DSE: variants seen among roughly 807,000 people sequenced by gnomAD.
DSE encodes dermatan sulfate epimerase.
A neutral mutation model predicts 84.4 loss-of-function variants in DSE; 36 were observed. The ratio of observed to expected loss-of-function variants is 0.43; its 90% CI spans 0.33 to 0.56. DSE has a LOEUF of 0.56. Ranked by LOEUF, DSE falls within the 20% of genes least tolerant of loss-of-function variation. DSE has a pLI of 0.06. For synonymous variants in DSE, 410 were observed against 430.1 expected (o/e 0.95, Z 0.58); for missense variants, 862 against 1,169.6 (o/e 0.74, Z 3.84).
intron 2 of DSE, among the ~76,000 whole-genome samples, chr6:116,326,483 A>T (rs971761329): frequency 6.6e-6 from 1 of 152,170 alleles, no homozygotes; most frequent in Non-Finnish European, 1.5e-5. Context: ...GATTTAAATG[A>T]TGCCAACATA....
At chr6:116,375,486 A>G in intron 1 of DSE, 1 of 977,428 alleles carries the variant, frequency 1.0e-6, no homozygotes, top group Non-Finnish European at 1.2e-6. Context: ...CCTGGGCGAC[A>G]GAGCAAGATC....
chr6:116,295,210 G>A (rs1396114348), intron 2 of DSE, among the ~76,000 whole-genome samples: 1 of 152,122 alleles, frequency 6.6e-6, no homozygotes, highest in Non-Finnish European at 1.5e-5. Context: ...AGGTGGGAGA[G>A]GAGAAGATGG....
rs199837822 is a variant in DSE at position 116,433,412 on chromosome 6, T to C, written c.980T>C (p.Val327Ala). The change falls in exon 5 of 6, where the codon GTG becomes GCG. Residue 327 changes from valine (V) to alanine (A), a missense_variant. By Grantham distance (64) the Val-to-Ala change is moderately conservative (BLOSUM62 0). This residue lies in a region of DSE where 309 missense variants were observed against 516.9 expected (regional missense o/e 0.60). Transcript: ENST00000644252. ...TTTTATGGTCCAGAAAGCCAATTAG[T>C]GTTCCTTGATAAATTTGTCATGCGT... is the stretch of plus-strand genomic sequence containing the variant. ...NWFYGPESQLVFLDKFVMRNG... is the reference protein window; with the variant it reads ...NWFYGPESQLAFLDKFVMRNG... 4.2e-5 allele frequency: 65 copies of C among 1,551,768 alleles called. No homozygotes were observed. The African/African-American group carries it at 8.3e-4, about 20-fold the overall frequency.
At chr6:116,374,949 A>G (rs1375545323) in intron 1 of DSE, among the ~76,000 whole-genome samples, 2 of 152,186 alleles carry the variant, frequency 1.3e-5, no homozygotes, top group African/African-American at 4.8e-5. Context: ...AAACCATAGC[A>G]AATATGTTAA....
intron 1 of DSE, among the ~76,000 whole-genome samples, chr6:116,372,448 A>T (rs1334196091): frequency 1.3e-5 from 2 of 152,244 alleles, no homozygotes; most frequent in Admixed American, 1.3e-4. Context: ...AGCCTGGGCG[A>T]CAGGCTCAAA....
intron 2 of DSE, among the ~76,000 whole-genome samples, chr6:116,274,081 C>T (rs1172482064): frequency 7.9e-5 from 12 of 151,666 alleles, no homozygotes; most frequent in Admixed American, 7.2e-4. Flanking sequence ...CCAGCCGCCT[C>T]GGCCTCCCAA....
At chr6:116,407,232 C>G (rs1316214771) in intron 2 of DSE, among the ~76,000 whole-genome samples, 1 of 152,114 alleles carries the variant, frequency 6.6e-6, no homozygotes, top group East Asian at 1.9e-4. Flanking sequence ...TGTACTAAAA[C>G]TTAAATTGTA....
At chr6:116,304,213 C>CA (rs987745918) in intron 2 of DSE, among the ~76,000 whole-genome samples, 3 of 152,034 alleles carry the variant, frequency 2.0e-5, no homozygotes, top group Non-Finnish European at 4.4e-5. Context: ...TACGAAGTGT[C>CA]AAAGACTGGG....
intron 2 of DSE, among the ~76,000 whole-genome samples, chr6:116,267,294 A>G (rs1266581217): frequency 2.0e-5 from 3 of 152,176 alleles, no homozygotes; most frequent in African/African-American, 7.2e-5. Flanking sequence ...GAAGATGACA[A>G]CTCAGTATGT....
chr6:116,285,238 T>G (rs1383883600), intron 2 of DSE, among the ~76,000 whole-genome samples: 1 of 152,202 alleles, frequency 6.6e-6, no homozygotes. Flanking sequence ...GGTATCTCAT[T>G]GTGGTTTTGA....
intron 2 of DSE, among the ~76,000 whole-genome samples, chr6:116,361,633 G>A (rs1243073745): frequency 5.3e-5 from 8 of 152,192 alleles, no homozygotes. Flanking sequence ...TCCAGCCTGG[G>A]CAACAGAGCA....
intron 2 of DSE, among the ~76,000 whole-genome samples, chr6:116,404,725 T>G (rs1452711113): frequency 6.6e-6 from 1 of 152,272 alleles, no homozygotes; most frequent in East Asian, 1.9e-4. Context: ...ATATATAACT[T>G]TATTCTCGCT....
At chr6:116,327,068 C>G (rs1776666357) in intron 2 of DSE, among the ~76,000 whole-genome samples, 1 of 152,180 alleles carries the variant, frequency 6.6e-6, no homozygotes, top group Non-Finnish European at 1.5e-5. Context: ...AAATGGATGG[C>G]TTTCTCCTAG....
chr6:116,273,248 T>C (rs1405359383), intron 2 of DSE, among the ~76,000 whole-genome samples: 1 of 152,204 alleles, frequency 6.6e-6, no homozygotes, highest in Non-Finnish European at 1.5e-5. Context: ...CCCTTTCCTT[T>C]TTAATTGAAC....
In DSE at chr6:116,371,071, C is replaced by G; in HGVS notation, c.-104C>G. On this transcript the variant is annotated 5_prime_UTR_variant, in exon 1 of 6. Coordinates refer to ENST00000644252, the MANE Select transcript of DSE (RefSeq NM_013352.4). ...GAGTGAGGAGGACCGGGAGCTGGCT[C>G]TGGAGGCTGCGGAGGCGACGCCGGA... is the stretch of plus-strand genomic sequence containing the variant. 1.0e-6 allele frequency: 1 copy of G among 986,134 alleles called. No individual in the cohort carries two copies. The highest frequency in any genetic ancestry group is 1.2e-6 in the Non-Finnish European group (1 of 830,528). 61.1% of individuals were successfully genotyped at this position (986,134 alleles called of 1,614,324 possible). A position where few individuals can be genotyped will look rare whatever the true frequency, so the allele number is the denominator to read the frequency against.
At chr6:116,419,901 C>T (rs929617194) in intron 2 of DSE, among the ~76,000 whole-genome samples, 3 of 152,232 alleles carry the variant, frequency 2.0e-5, no homozygotes, top group East Asian at 3.9e-4. Context: ...TTGGAGTTAT[C>T]CTCCTTTGTT....
chr6:116,261,073 A>G (rs1170205984), intron 2 of DSE, among the ~76,000 whole-genome samples: 1 of 152,218 alleles, frequency 6.6e-6, no homozygotes, highest in East Asian at 1.9e-4. Flanking sequence ...TGCTTTGGGC[A>G]GTAGGACCAT....
At chr6:116,370,919 C>A (rs1779502217), upstream of DSE, 1 of 985,502 alleles carries the variant, frequency 1.0e-6, no homozygotes, top group Non-Finnish European at 1.2e-6. Context: ...TTCGCCCACA[C>A]CTACCCGCCC....
chr6:116,300,850 G>A (rs1774994812), intron 2 of DSE, among the ~76,000 whole-genome samples: 1 of 152,196 alleles, frequency 6.6e-6, no homozygotes, highest in Non-Finnish European at 1.5e-5. Context: ...GTCTCGGAGT[G>A]TGGAAGTAAG....
Sources: allele counts gnomAD v4.1 joint callset (sites outside exome capture counted in the v4.1 genomes callset), GRCh38; gene constraint gnomAD v4.1.1; regional missense constraint gnomAD v4.1.1; transcripts MANE v1.5; gene names NCBI Gene and HGNC (gene_info 2026-07-23, HGNC 2026-07-21).